LAT2: variants seen among roughly 807,000 people sequenced by gnomAD.
LAT2 encodes the protein linker for activation of T cells family member 2, also known as linker for activation of T-cells family member 2.
In LAT2, 23 loss-of-function variants were observed where a neutral mutation model predicts 43.4. The ratio of observed to expected loss-of-function variants is 0.53; its 90% CI spans 0.38 to 0.75. LAT2 has a LOEUF of 0.75. Ranked by LOEUF, LAT2 falls within the 30% of genes least tolerant of loss-of-function variation. The pLI, the probability that LAT2 is intolerant of heterozygous loss-of-function variation, is 0.00. For missense variants in LAT2, 284 were observed against 310.2 expected (o/e 0.92, Z 0.64); for synonymous variants, 128 against 123.2 (o/e 1.04, Z -0.26).
intron 4 of LAT2, among the ~76,000 whole-genome samples, chr7:74,219,060 C>T (rs1404177543): frequency 3.4e-5 from 4 of 118,178 alleles, no homozygotes; most frequent in African/African-American, 6.5e-5. Flanking sequence ...GACGGAGTCT[C>T]GCTCTGTCGC....
At chr7:74,219,813 G>T (rs782646367) in intron 5 of LAT2, 26 bp downstream of exon 5, 1 of 1,613,896 alleles carries the variant, frequency 6.2e-7, no homozygotes, top group Non-Finnish European at 8.5e-7. Flanking sequence ...TCCCCGGGTT[G>T]GGCTCTGGGT....
rs1289457522 is a variant in LAT2 at position 74,220,900 on chromosome 7, C to T, written c.332+166C>T. Among the ~76,000 whole-genome samples, 2 of 152,084 alleles carry T rather than the reference C, an allele frequency of 1.3e-5. No homozygotes were observed. The highest frequency in any genetic ancestry group is 2.9e-5 in the Non-Finnish European group (2 of 67,992). Reference sequence around the variant, plus strand: ...GAGGCATCCAGGTTCCCCTCCTTCTCCTGGCAGGCAGGCATTGGGCGACAC... The same window carrying T: ...GAGGCATCCAGGTTCCCCTCCTTCTTCTGGCAGGCAGGCATTGGGCGACAC... On this transcript the variant is annotated intron_variant, in intron 9 of 13. Coordinates refer to ENST00000460943, the MANE Select transcript of LAT2 (RefSeq NM_032464.3). The surrounding 1 kb of genome is among the most constrained non-coding windows in gnomAD (Gnocchi z 4.5).
chr7:74,219,084 C>A lies in LAT2; in HGVS notation c.135-660C>A, dbSNP rs1479033430. On this transcript the variant is annotated intron_variant, in intron 4 of 13. Coordinates refer to ENST00000460943, the MANE Select transcript of LAT2 (RefSeq NM_032464.3). The stretch of plus-strand genomic sequence containing the variant: ...TCGCTCTGTCGCCCAGGCCAGACTG[C>A]GGACTGCAGTGGTGCAATCTCGGCT... Among the ~76,000 whole-genome samples, 3 of 119,992 alleles carry A rather than the reference C, an allele frequency of 2.5e-5. No homozygotes were observed. The Admixed American group carries it at 3.4e-4, about 13-fold the overall frequency. 78.7% of individuals were successfully genotyped at this position (119,992 alleles called of 152,430 possible).
At chr7:74,217,235 C>T (rs1453757665) in intron 4 of LAT2, among the ~76,000 whole-genome samples, 1 of 152,076 alleles carries the variant, frequency 6.6e-6, no homozygotes, top group East Asian at 1.9e-4. Flanking sequence ...AGTTTGAGAC[C>T]AGCCTGGCCA....
intron 13 of LAT2, among the ~76,000 whole-genome samples, chr7:74,227,062 T>C (rs1206886507): frequency 6.6e-6 from 1 of 150,596 alleles, no homozygotes; most frequent in Non-Finnish European, 1.5e-5. Context: ...TTTCTTTTTT[T>C]TTTTTTTTCG....
intron 12 of LAT2, 129 bp downstream of exon 12, chr7:74,224,326 A>G (rs1802404735): frequency 9.6e-7 from 1 of 1,037,366 alleles, no homozygotes; most frequent in Non-Finnish European, 1.4e-6. Context: ...GCCTGGGTGC[A>G]GGAGCAGCTG....
chr7:74,219,835 C>T (rs1554714817), intron 5 of LAT2, 48 bp downstream of exon 5: 1 of 1,612,950 alleles, frequency 6.2e-7, no homozygotes, highest in Non-Finnish European at 8.5e-7. Context: ...GGGGGTGTCC[C>T]TATCAAGTTA....
chr7:74,214,333 A>AATATATATATGAAAATATATATATAT (rs1801891374), intron 1 of LAT2, among the ~76,000 whole-genome samples: 10 of 33,570 alleles, frequency 3.0e-4, no homozygotes, highest in Non-Finnish European at 4.9e-4. Context: ...TATATATATA[A>AATATATATATGAAAATATATATATAT]ATATATATAT....
At position 74,220,418 on chromosome 7, in the gene LAT2, C is replaced by A; in HGVS notation, c.265+164C>A. ...GGCAGGGCAGGCTCCTGGAATCGGC[C>A]TGGCAGGGGGAGGGTGCACACTCGC... On this transcript the variant is annotated intron_variant, in intron 7 of 13. Transcript: ENST00000460943. This position sits in a 1 kb window ranked among gnomAD's most constrained non-coding sequence, Gnocchi z 4.5. 1 of 1,225,982 alleles carries A rather than the reference C, an allele frequency of 8.2e-7. No homozygotes were observed. The highest frequency in any genetic ancestry group is 1.2e-6 in the Non-Finnish European group (1 of 855,180). The allele number at this position is 1,225,982 out of a possible 1,614,324, so 75.9% of individuals were successfully genotyped here.
intron 1 of LAT2, among the ~76,000 whole-genome samples, chr7:74,212,605 C>T (rs922808051): frequency 3.3e-5 from 5 of 152,100 alleles, no homozygotes; most frequent in Non-Finnish European, 5.9e-5. Context: ...AAAACTGAGG[C>T]GGGGGGCTCT....
chr7:74,221,700 G>T lies in LAT2; in HGVS notation c.388+8G>T. 6.2e-7 allele frequency: 1 copy of T among 1,610,142 alleles called. No individual in the cohort carries two copies. The highest frequency in any genetic ancestry group is 2.2e-5 in the East Asian group (1 of 44,678). ...TCTCGAAGCCCCCAGAAGGTGAGGC[G>T]AAGGACAAAGCCGGAGGTGGAGGAA... is the stretch of plus-strand genomic sequence containing the variant. On this transcript the variant is annotated splice_region_variant and intron_variant, in intron 10 of 13. Transcript: ENST00000460943.
In LAT2 at chr7:74,224,165, T is replaced by A. The variant is rs1420170868; in HGVS notation, c.596T>A (p.Ile199Asn). 9 of 1,613,958 alleles carry A rather than the reference T, an allele frequency of 5.6e-6. No individual in the cohort carries two copies. The highest frequency in any genetic ancestry group is 1.3e-5 in the African/African-American group (1 of 74,930). Reference protein sequence around the residue: ...ESEDYQNSASIHQWRESRKVM... With the variant: ...ESEDYQNSASNHQWRESRKVM... ...GAGGATTATCAGAACTCAGCATCCATCCATCAGTGGCGCGAGTCCAGGAAG... is the reference window on the plus strand; with the variant it reads ...GAGGATTATCAGAACTCAGCATCCAACCATCAGTGGCGCGAGTCCAGGAAG... Residue 199 changes from isoleucine (I) to asparagine (N), a missense_variant, in exon 12 of 14, where the codon ATC becomes AAC. Ile to Asn is a moderately radical substitution (Grantham distance 149, BLOSUM62 -3). Transcript: ENST00000460943.
At chr7:74,216,150 TGTG>T in intron 3 of LAT2, 81 bp downstream of exon 3, 1 of 1,241,708 alleles carries the variant, frequency 8.1e-7, no homozygotes, top group African/African-American at 1.5e-5. Context: ...CAGACGTGGC[TGTG>T]GTCAGAAGAG....
At chr7:74,214,776 A>AATATATAT (rs1162652021) in intron 1 of LAT2, 46 bp from the exon 2 acceptor site, 1 of 60,952 alleles carries the variant, frequency 1.6e-5, no homozygotes, top group Non-Finnish European at 2.6e-5. Context: ...TATATATATA[A>AATATATAT]ATATATATAT....
chr7:74,221,840 G>A, intron 10 of LAT2, 148 bp downstream of exon 10: 1 of 636,206 alleles, frequency 1.6e-6, no homozygotes, highest in South Asian at 1.9e-5. Context: ...TGGTGCTGCA[G>A]GCGGGGGCCA....
At chr7:74,221,308 G>A (rs782292007) in intron 9 of LAT2, among the ~76,000 whole-genome samples, 8 of 151,522 alleles carry the variant, frequency 5.3e-5, no homozygotes, top group South Asian at 2.1e-4. Flanking sequence ...CCAGCTACTC[G>A]GGAGGCTGAT....
In LAT2 at chr7:74,220,920, C is replaced by A. The variant is rs1377602897; in HGVS notation, c.332+186C>A. On this transcript the variant is annotated intron_variant, in intron 9 of 13. Transcript: ENST00000460943. The surrounding 1 kb of genome is among the most constrained non-coding windows in gnomAD (Gnocchi z 4.5). ...CTTCTCCTGGCAGGCAGGCATTGGG[C>A]GACACTGTTGTCTCTTAGGTAACCC... Among the ~76,000 whole-genome samples, 1 of 152,092 alleles carries A rather than the reference C, an allele frequency of 6.6e-6. No homozygotes were observed. The highest frequency in any genetic ancestry group is 2.1e-4 in the South Asian group (1 of 4,834).
chr7:74,216,702 G>C, intron 3 of LAT2, 123 bp from the exon 4 acceptor site: 1 of 720,524 alleles, frequency 1.4e-6, no homozygotes, highest in Non-Finnish European at 2.4e-6. Context: ...GGCCGGTGAT[G>C]ATTGACAGTT....
chr7:74,224,306 C>CA, intron 12 of LAT2, 109 bp downstream of exon 12: 1 of 1,179,070 alleles, frequency 8.5e-7, no homozygotes, highest in Non-Finnish European at 1.2e-6. Flanking sequence ...CCAGCTAACC[C>CA]CGCAGTGATG....
Sources: gnomAD v4.1 joint callset for allele counts (sites outside exome capture counted in the v4.1 genomes callset) on GRCh38, gnomAD v4.1.1 for gene constraint, Gnocchi (gnomAD v3.1) non-coding constraint, MANE v1.5 for transcripts, NCBI Gene and HGNC (gene_info 2026-07-23, HGNC 2026-07-21) for gene names.